Variants in SLC3A1 observed in about 807,000 individuals in gnomAD.
The protein encoded by SLC3A1 is amino acid transporter heavy chain SLC3A1.
In SLC3A1, 78 loss-of-function variants were observed where a neutral mutation model predicts 60.3. The observed-to-expected ratio is 1.29, with a 90% CI of 1.08 to 1.56. The LOEUF is 1.56. Among genes scored for constraint, SLC3A1 ranks in the 40% most tolerant of loss-of-function variants. The pLI is 0.00. For synonymous variants in SLC3A1, 392 were observed against 307.9 expected (o/e 1.27, Z -2.86); for missense variants, 1,172 against 858.9 (o/e 1.36, Z -4.56).
intron 9 of SLC3A1, chr2:44,318,707 A>G (rs1672656534): frequency 6.6e-6 from 1 of 152,228 alleles, no homozygotes; most frequent in East Asian, 1.9e-4. Flanking sequence ...GGTGTTGAAG[A>G]AAACCTTTTT....
intron 7 of SLC3A1, among the ~76,000 whole-genome samples, chr2:44,308,891 C>G (rs959716581): frequency 6.6e-6 from 1 of 152,052 alleles, no homozygotes; most frequent in Non-Finnish European, 1.5e-5. Flanking sequence ...TGCCACCATG[C>G]CTGGCTAACT....
At position 44,320,419 on chromosome 2, in the gene SLC3A1, G is replaced by A. The variant is rs1417157123; in HGVS notation, c.1838G>A (p.Gly613Asp). ...TTAAATCTACATAATATGATTTCGG[G>A]CCTTCCCGCTAAAATGAGAATAAGG... is the stretch of plus-strand genomic sequence containing the variant. ...TLLNLHNMISGLPAKMRIRLS... is the reference protein window; with the variant it reads ...TLLNLHNMISDLPAKMRIRLS... The change falls in exon 10 of 10, where the codon GGC becomes GAC. Residue 613 changes from glycine to aspartate, a missense_variant. Coordinates refer to ENST00000260649, the MANE Select transcript of SLC3A1 (RefSeq NM_000341.4). 2 of 1,613,984 alleles carry A rather than the reference G, an allele frequency of 1.2e-6. No homozygotes were observed. The highest frequency in any genetic ancestry group is 1.7e-6 in the Non-Finnish European group (2 of 1,179,906).
chr2:44,320,650 GA>G lies in SLC3A1; in HGVS notation c.*13del, dbSNP rs1672856664. The G allele has an allele frequency of 6.2e-7, 1 of 1,601,864 alleles. No individual in the cohort carries two copies. Among genetic ancestry groups the G allele is most frequent in the Non-Finnish European group, 8.6e-7 (1 of 1,169,114 alleles). On this transcript the variant is annotated 3_prime_UTR_variant, in exon 10 of 10. Transcript: ENST00000260649. The stretch of plus-strand genomic sequence containing the variant: ...TATACCTCGTGTTAGGCACCTTTAT[GA>G]AGAGATGAAGACACTGGCATTTCAG...
chr2:44,300,375 G>T (rs910917127), intron 5 of SLC3A1, among the ~76,000 whole-genome samples: 1 of 152,186 alleles, frequency 6.6e-6, no homozygotes, highest in Non-Finnish European at 1.5e-5. Flanking sequence ...CCACAAAATA[G>T]AGGACATTTA....
At chr2:44,290,071 G>T (rs1671707823) in intron 4 of SLC3A1, among the ~76,000 whole-genome samples, 1 of 148,502 alleles carries the variant, frequency 6.7e-6, no homozygotes, top group Non-Finnish European at 1.5e-5. Context: ...TAGATTGTCT[G>T]TGATCCATTT....
Position 44,281,558 on chromosome 2 carries a change from C to G in SLC3A1, c.765+17C>G, listed in dbSNP as rs766702696. The G allele has an allele frequency of 1.8e-5, 29 of 1,613,116 alleles. No homozygotes were observed. The highest frequency in any genetic ancestry group is 2.3e-5 in the Non-Finnish European group (27 of 1,179,276). On this transcript the variant is annotated intron_variant, in intron 3 of 9. Transcript: ENST00000260649. ...AACAACTGGGTAAGTATCAACCTGT[C>G]TGACTTACAAAGGGGTAAAAGGCAG...
chr2:44,305,560 T>A (rs1016544889), intron 7 of SLC3A1, among the ~76,000 whole-genome samples: 1 of 151,566 alleles, frequency 6.6e-6, no homozygotes, highest in Admixed American at 6.6e-5. Flanking sequence ...CCTGAGTAGC[T>A]GGGATTACAG....
intron 4 of SLC3A1, among the ~76,000 whole-genome samples, chr2:44,291,083 A>G (rs1671731080): frequency 1.3e-5 from 2 of 152,344 alleles, no homozygotes; most frequent in African/African-American, 4.8e-5. Flanking sequence ...GTCATGGAGC[A>G]GGACTGAAAT....
At chr2:44,277,092 TTC>T (rs71393254) in intron 1 of SLC3A1, among the ~76,000 whole-genome samples, 2 of 117,250 alleles carry the variant, frequency 1.7e-5, no homozygotes, top group South Asian at 3.3e-4. Context: ...GCTCCTATCA[TTC>T]TCTCTCTTCT....
In SLC3A1 at chr2:44,321,235, C is replaced by T. The variant is rs74690519; in HGVS notation, c.*596C>T. The stretch of plus-strand genomic sequence containing the variant: ...TAAGCAAAATTTAGATGGAGAAGCA[C>T]ATTTTAAAAAATTAATAACTTAAAA... On this transcript the variant is annotated 3_prime_UTR_variant, in exon 10 of 10. Transcript: ENST00000260649. 4.1e-3 allele frequency: 3,645 copies of T among 884,294 alleles called. 53 individuals are homozygous for T. The highest frequency in any genetic ancestry group is 0.037 in the African/African-American group (2,153 of 58,592). The allele number at this position is 884,294 out of a possible 1,614,324, so 54.8% of individuals were successfully genotyped here.
intron 7 of SLC3A1, among the ~76,000 whole-genome samples, chr2:44,311,670 A>C (rs1355091170): frequency 6.6e-6 from 1 of 152,026 alleles, no homozygotes; most frequent in East Asian, 1.9e-4. Context: ...AATACTTCAC[A>C]ATGGTCTATA....
At chr2:44,298,046 C>A (rs537535831) in intron 4 of SLC3A1, among the ~76,000 whole-genome samples, 6 of 152,124 alleles carry the variant, frequency 3.9e-5, no homozygotes, top group Non-Finnish European at 8.8e-5. Context: ...TATTTGTGAA[C>A]AAGTTTTTGC....
At chr2:44,313,339 A>G (rs1672345926) in intron 8 of SLC3A1, among the ~76,000 whole-genome samples, 1 of 152,146 alleles carries the variant, frequency 6.6e-6, no homozygotes, top group African/African-American at 2.4e-5. Context: ...CAACTATATG[A>G]GATCCAATTT....
At chr2:44,306,547 A>T (rs1672161881) in intron 7 of SLC3A1, among the ~76,000 whole-genome samples, 1 of 140,464 alleles carries the variant, frequency 7.1e-6, no homozygotes, top group African/African-American at 2.6e-5. Context: ...ACATACCATA[A>T]AACTTTTTTT....
chr2:44,320,413 T>C lies in SLC3A1; in HGVS notation c.1832T>C (p.Ile611Thr). The C allele has an allele frequency of 6.2e-7, 1 of 1,614,084 alleles. No individual in the cohort carries two copies. The highest frequency in any genetic ancestry group is 2.2e-5 in the East Asian group (1 of 44,884). ...ACACTGTTAAATCTACATAATATGA[T>C]TTCGGGCCTTCCCGCTAAAATGAGA... ...ESTLLNLHNM[I>T]SGLPAKMRIR... Residue 611 changes from isoleucine (I) to threonine (T), a missense_variant, in exon 10 of 10, where the codon ATT becomes ACT. Transcript: ENST00000260649.
chr2:44,302,675 T>C (rs913167875), intron 6 of SLC3A1, among the ~76,000 whole-genome samples: 3 of 152,220 alleles, frequency 2.0e-5, no homozygotes, highest in African/African-American at 4.8e-5. Context: ...CTTTCAGCAA[T>C]TGAGAGTGCA....
At chr2:44,289,952 T>C (rs1444554770) in intron 4 of SLC3A1, among the ~76,000 whole-genome samples, 1 of 152,180 alleles carries the variant, frequency 6.6e-6, no homozygotes, top group Non-Finnish European at 1.5e-5. Context: ...TTTTTTTCTT[T>C]TGTTGCTTGT....
Position 44,304,191 on chromosome 2 carries a change from G to A in SLC3A1, c.1185G>A (p.Met395Ile). 1.2e-6 allele frequency: 2 copies of A among 1,614,118 alleles called. No individual in the cohort carries two copies. The highest frequency in any genetic ancestry group is 1.7e-6 in the Non-Finnish European group (2 of 1,179,980). ...CAGAGAGTATTGACAGGACCGTGAT[G>A]TACTATGGATTGCCATTTATCCAAG... ...AYAESIDRTV[M>I]YYGLPFIQEA... Residue 395 changes from methionine to isoleucine, a missense_variant, in exon 7 of 10, where the codon ATG (methionine) becomes ATA (isoleucine). Transcript: ENST00000260649.
chr2:44,293,642 G>A (rs1009186236), intron 4 of SLC3A1, among the ~76,000 whole-genome samples: 1 of 152,196 alleles, frequency 6.6e-6, no homozygotes, highest in African/African-American at 2.4e-5. Flanking sequence ...GGTGAGAGAA[G>A]CAGGCTGGGT....
Sources: allele counts gnomAD v4.1 joint callset (sites outside exome capture counted in the v4.1 genomes callset), GRCh38; gene constraint gnomAD v4.1.1; transcripts MANE v1.5; gene names NCBI Gene and HGNC (gene_info 2026-07-23, HGNC 2026-07-21).